TTC17: variants seen among roughly 807,000 people sequenced by gnomAD.
The protein encoded by TTC17 is tetratricopeptide repeat domain 17, also known as tetratricopeptide repeat protein 17.
TTC17 carries 58 observed loss-of-function variants against 143.8 expected under a neutral mutation model. The observed-to-expected ratio is 0.40, with a 90% CI of 0.33 to 0.50. The LOEUF (loss-of-function observed/expected upper bound fraction) is 0.50, where lower values mean the gene tolerates loss of function less well. TTC17 is among the 20% of genes least tolerant of loss of function. TTC17 has a pLI of 0.49. For synonymous variants in TTC17, 501 were observed against 497.8 expected (o/e 1.01, Z -0.09); for missense variants, 1,273 against 1,392.5 (o/e 0.91, Z 1.37).
intron 21 of TTC17, among the ~76,000 whole-genome samples, chr11:43,476,055 G>A (rs906481659): frequency 1.3e-5 from 2 of 152,114 alleles, no homozygotes; most frequent in African/African-American, 4.8e-5. Context: ...AAAACTAGAG[G>A]TAATGACAGA....
Position 43,447,983 on chromosome 11 carries a change from T to A in TTC17, c.2666-19T>A. On this transcript the variant is annotated intron_variant, in intron 18 of 23. Coordinates refer to ENST00000039989, the MANE Select transcript of TTC17 (RefSeq NM_018259.6). The stretch of plus-strand genomic sequence containing the variant: ...CTTCCTTTGCAATTGTGTGGATTCA[T>A]GGCATACTTTCCTTCCAGGAAAAAA... The A allele has an allele frequency of 6.2e-7, 1 of 1,612,836 alleles. No homozygotes were observed.
Position 43,372,684 on chromosome 11 carries a change from T to C in TTC17, c.160-6549T>C, listed in dbSNP as rs1052838899. On this transcript the variant is annotated intron_variant, in intron 1 of 23. Coordinates refer to ENST00000039989, the MANE Select transcript of TTC17 (RefSeq NM_018259.6). ...TTTTGTAATTTTAATAGAGATGGGG[T>C]TTCACCATGTTAGACAGGCTAGTCT... Among the ~76,000 whole-genome samples the C allele has an allele frequency of 7.2e-5, 11 of 151,922 alleles. No homozygotes were observed. The South Asian group carries it at 2.3e-3, about 32-fold the overall frequency.
At chr11:43,406,913 G>A (rs796598232) in intron 13 of TTC17, among the ~76,000 whole-genome samples, 1 of 152,070 alleles carries the variant, frequency 6.6e-6, no homozygotes, top group African/African-American at 2.4e-5. Flanking sequence ...TAATGTGTGG[G>A]GGTATATATG....
At chr11:43,407,672 T>A in intron 15 of TTC17, 95 bp downstream of exon 15, 1 of 1,186,036 alleles carries the variant, frequency 8.4e-7, no homozygotes, top group Middle Eastern at 2.1e-4. Flanking sequence ...GCATAAAAAA[T>A]GTCATGTTTT....
At chr11:43,418,650 A>G (rs1429715816) in intron 16 of TTC17, among the ~76,000 whole-genome samples, 1 of 151,290 alleles carries the variant, frequency 6.6e-6, no homozygotes, top group East Asian at 1.9e-4. Context: ...ACACTTAAAA[A>G]AAACAGCCTT....
intron 1 of TTC17, chr11:43,370,109 CAA>C (rs1189486157): frequency 2.2e-6 from 1 of 455,106 alleles, no homozygotes; most frequent in Non-Finnish European, 4.4e-6. Flanking sequence ...GTATCTCTCT[CAA>C]GAGTGGAAGC....
intron 5 of TTC17, among the ~76,000 whole-genome samples, chr11:43,392,984 TG>T (rs1177311491): frequency 6.6e-6 from 1 of 152,258 alleles, no homozygotes; most frequent in African/African-American, 2.4e-5. Context: ...GCAAAGGCTC[TG>T]AATCCTGATT....
chr11:43,425,001 T>C (rs1258649519), intron 16 of TTC17, among the ~76,000 whole-genome samples: 1 of 152,250 alleles, frequency 6.6e-6, no homozygotes, highest in Non-Finnish European at 1.5e-5. Flanking sequence ...CTTCTTGTTA[T>C]ATACACTTGT....
intron 15 of TTC17, among the ~76,000 whole-genome samples, chr11:43,410,723 A>G (rs1858371041): frequency 6.6e-6 from 1 of 152,224 alleles, no homozygotes; most frequent in South Asian, 2.1e-4. Flanking sequence ...ACAAAAGGCC[A>G]AAACCAAACT....
At chr11:43,462,099 A>AC (rs1350417957) in intron 21 of TTC17, among the ~76,000 whole-genome samples, 1 of 151,930 alleles carries the variant, frequency 6.6e-6, no homozygotes, top group East Asian at 1.9e-4. Flanking sequence ...TAAAAAAAAA[A>AC]AAAAAACGGC....
chr11:43,467,874 CAA>C (rs749942466), intron 21 of TTC17, among the ~76,000 whole-genome samples: 4 of 128,958 alleles, frequency 3.1e-5, no homozygotes, highest in African/African-American at 5.8e-5. Context: ...GGGACACATC[CAA>C]AAAAAAAAAA....
intron 1 of TTC17, chr11:43,359,332 C>T (rs1371902779): frequency 2.7e-5 from 15 of 549,082 alleles, no homozygotes; most frequent in Admixed American, 4.4e-5. Flanking sequence ...GAAGTTCTCA[C>T]CCTTCCACCT....
chr11:43,417,067 G>T (rs1042434471), intron 16 of TTC17, among the ~76,000 whole-genome samples: 6 of 152,142 alleles, frequency 3.9e-5, no homozygotes, highest in Non-Finnish European at 8.8e-5. Context: ...ATTAGTAGTA[G>T]TGAAACAATT....
intron 6 of TTC17, chr11:43,397,103 T>C (rs1231863634): frequency 2.1e-6 from 1 of 483,840 alleles, no homozygotes; most frequent in Non-Finnish European, 3.6e-6. Context: ...AAGTTTAACT[T>C]TTCTTAAAGC....
chr11:43,482,949 TTTTGGCAAAATTAAG>T (rs1948314702), intron 21 of TTC17, among the ~76,000 whole-genome samples: 2 of 152,012 alleles, frequency 1.3e-5, no homozygotes. Context: ...TAAAATAAAC[TTTTGGCAAAATTAAG>T]ATAAAAAGAA....
intron 21 of TTC17, among the ~76,000 whole-genome samples, chr11:43,455,319 C>T (rs1044810963): frequency 3.3e-5 from 5 of 151,202 alleles, no homozygotes; most frequent in African/African-American, 1.2e-4. Context: ...ATATAAACAC[C>T]CAAAACCAGG....
At chr11:43,445,896 A>T in intron 18 of TTC17, 1 of 926,994 alleles carries the variant, frequency 1.1e-6, no homozygotes, top group Non-Finnish European at 1.7e-6. Context: ...AACTAATAAT[A>T]ATGCTTAACT....
At chr11:43,434,963 T>C (rs1033502489) in intron 16 of TTC17, among the ~76,000 whole-genome samples, 1 of 152,212 alleles carries the variant, frequency 6.6e-6, no homozygotes, top group African/African-American at 2.4e-5. Context: ...GCATTAGAAG[T>C]ACTTCCTTAA....
intron 15 of TTC17, among the ~76,000 whole-genome samples, chr11:43,410,848 C>T (rs1395841111): frequency 6.6e-6 from 1 of 152,204 alleles, no homozygotes; most frequent in African/African-American, 2.4e-5. Flanking sequence ...TACCTTTCTC[C>T]TGTTCTCAGG....
Sources: allele counts gnomAD v4.1 joint callset (sites outside exome capture counted in the v4.1 genomes callset), GRCh38; gene constraint gnomAD v4.1.1; transcripts MANE v1.5; gene names NCBI Gene and HGNC (gene_info 2026-07-23, HGNC 2026-07-21).